Variants in SLC39A9 observed in about 807,000 individuals in gnomAD.
The protein encoded by SLC39A9 is zinc transporter ZIP9.
A neutral mutation model predicts 28.4 loss-of-function variants in SLC39A9; 14 were observed. The observed-to-expected ratio is 0.49, with a 90% CI of 0.33 to 0.77. The LOEUF (loss-of-function observed/expected upper bound fraction) is 0.77. Ranked by LOEUF, SLC39A9 falls within the 30% of genes least tolerant of loss-of-function variation. SLC39A9 has a pLI of 0.02. For synonymous variants in SLC39A9, 119 were observed against 149.6 expected, an observed-to-expected ratio of 0.80 and a Z score of 1.49; for missense variants, 283 against 381.1, an observed-to-expected ratio of 0.74 and a Z score of 2.14.
intron 1 of SLC39A9, among the ~76,000 whole-genome samples, chr14:69,412,245 C>T (rs983098050): frequency 9.9e-5 from 15 of 151,366 alleles, no homozygotes; most frequent in Non-Finnish European, 1.5e-4. Context: ...AAAAATTAGC[C>T]GGGCATGGTG....
chr14:69,429,863 A>T (rs1884402424), intron 2 of SLC39A9, among the ~76,000 whole-genome samples: 1 of 152,148 alleles, frequency 6.6e-6, no homozygotes, highest in South Asian at 2.1e-4. Flanking sequence ...CCTTGTCAAC[A>T]CTTAGTGTTG....
At chr14:69,433,574 A>G (rs1277980916) in intron 2 of SLC39A9, among the ~76,000 whole-genome samples, 1 of 152,162 alleles carries the variant, frequency 6.6e-6, no homozygotes, top group African/African-American at 2.4e-5. Flanking sequence ...GGCATTTTCT[A>G]TGATGGAAGG....
chr14:69,414,508 A>T (rs1314761985), intron 1 of SLC39A9, among the ~76,000 whole-genome samples: 1 of 152,234 alleles, frequency 6.6e-6, no homozygotes, highest in Admixed American at 6.5e-5. Context: ...TTAGTATTCG[A>T]ATTAGATCTC....
chr14:69,406,805 G>A (rs138084821), intron 1 of SLC39A9, among the ~76,000 whole-genome samples: 3,160 of 146,680 alleles, frequency 0.022, 52 homozygotes, highest in Middle Eastern at 0.065. Context: ...TTAACTTATT[G>A]AAATAAAATG....
chr14:69,438,247 C>T (rs76863299), intron 2 of SLC39A9, among the ~76,000 whole-genome samples: 8,851 of 152,194 alleles, frequency 0.058, 859 homozygotes, highest in African/African-American at 0.2. Context: ...TCTTGAACAA[C>T]TGACCTTAGG....
At chr14:69,424,245 G>A in intron 2 of SLC39A9, 43 bp downstream of exon 2, 3 of 1,448,950 alleles carry the variant, frequency 2.1e-6, no homozygotes, top group Non-Finnish European at 2.9e-6. Flanking sequence ...TTATTGACTT[G>A]GAGGGTTAGC....
chr14:69,426,921 C>A (rs1884224145), intron 2 of SLC39A9, among the ~76,000 whole-genome samples: 1 of 151,782 alleles, frequency 6.6e-6, no homozygotes, highest in African/African-American at 2.4e-5. Context: ...CACATATGTA[C>A]ACACATACAC....
chr14:69,410,444 A>T lies in SLC39A9; in HGVS notation c.96+10979A>T, dbSNP rs528830395. Among the ~76,000 whole-genome samples, 31 of 152,334 alleles carry T rather than the reference A, an allele frequency of 2.0e-4. 1 individual carries two copies. In the South Asian group the frequency reaches 3.9e-3, roughly 19 times the overall value. On this transcript the variant is annotated intron_variant, in intron 1 of 6. Coordinates refer to ENST00000336643, the MANE Select transcript of SLC39A9 (RefSeq NM_018375.5). ...GTGCACTAATATATCCTGCTCCTAC[A>T]CAATAATAATACTAGTAGCAGTAGC... is the stretch of plus-strand genomic sequence containing the variant.
chr14:69,406,134 AG>A (rs1882900906), intron 1 of SLC39A9, among the ~76,000 whole-genome samples: 1 of 152,178 alleles, frequency 6.6e-6, no homozygotes, highest in Non-Finnish European at 1.5e-5. Context: ...TCCCCAAATT[AG>A]GAACATCTTT....
chr14:69,422,346 C>T (rs1350764261), intron 1 of SLC39A9, among the ~76,000 whole-genome samples: 1 of 152,146 alleles, frequency 6.6e-6, no homozygotes, highest in Non-Finnish European at 1.5e-5. Context: ...CCTCACCCTC[C>T]CCATATCTGG....
At chr14:69,409,012 C>G (rs535039605) in intron 1 of SLC39A9, among the ~76,000 whole-genome samples, 2 of 152,222 alleles carry the variant, frequency 1.3e-5, no homozygotes, top group East Asian at 3.9e-4. Flanking sequence ...GAATTCTTGT[C>G]CTGCTTGTAG....
intron 1 of SLC39A9, among the ~76,000 whole-genome samples, chr14:69,419,346 T>C (rs1395916042): frequency 6.6e-6 from 1 of 152,250 alleles, no homozygotes; most frequent in Admixed American, 6.5e-5. Flanking sequence ...TCTAGTTTGA[T>C]TGCAGTGTGG....
Position 69,460,090 on chromosome 14 carries a change from AGT to A in SLC39A9, c.*1500_*1501del. The A allele has an allele frequency of 1.0e-6, 1 of 979,858 alleles. No individual in the cohort carries two copies. The highest frequency in any genetic ancestry group is 1.2e-6 in the Non-Finnish European group (1 of 824,444). The allele number at this position is 979,858 out of a possible 1,614,324, so 60.7% of individuals were successfully genotyped here. A position where few individuals can be genotyped will look rare whatever the true frequency, so the allele number is the denominator to read the frequency against. ...TTTGTAAACCCTGTCTTGTCAAATA[AGT>A]GTATAATATTGTATTATTAATTTAT... On this transcript the variant is annotated 3_prime_UTR_variant, in exon 7 of 7. Transcript: ENST00000336643.
chr14:69,410,776 G>T (rs1417324621), intron 1 of SLC39A9, among the ~76,000 whole-genome samples: 1 of 151,786 alleles, frequency 6.6e-6, no homozygotes, highest in African/African-American at 2.4e-5. Flanking sequence ...TCTCTTCAGT[G>T]CCTAAAACTT....
intron 1 of SLC39A9, among the ~76,000 whole-genome samples, chr14:69,419,763 G>A (rs1213968578): frequency 6.6e-6 from 1 of 151,650 alleles, no homozygotes; most frequent in Non-Finnish European, 1.5e-5. Flanking sequence ...TAATGGCCTT[G>A]TCTCTTTTGA....
chr14:69,452,167 G>A (rs975260859), intron 3 of SLC39A9, among the ~76,000 whole-genome samples: 5 of 152,178 alleles, frequency 3.3e-5, no homozygotes, highest in East Asian at 3.9e-4. Flanking sequence ...GGTTTTGTTC[G>A]ATGGTGTTAA....
chr14:69,411,126 C>A (rs1039926920), intron 1 of SLC39A9, among the ~76,000 whole-genome samples: 1 of 149,806 alleles, frequency 6.7e-6, no homozygotes, highest in Non-Finnish European at 1.5e-5. Context: ...GCAGGAGAAT[C>A]GCTTGAACCT....
intron 1 of SLC39A9, among the ~76,000 whole-genome samples, chr14:69,419,357 T>C (rs1883757139): frequency 6.6e-6 from 1 of 152,232 alleles, no homozygotes; most frequent in Admixed American, 6.5e-5. Flanking sequence ...TGCAGTGTGG[T>C]CTGAGAGACA....
chr14:69,435,623 G>A (rs771265535), intron 2 of SLC39A9, among the ~76,000 whole-genome samples: 4 of 151,944 alleles, frequency 2.6e-5, no homozygotes, highest in Admixed American at 1.3e-4. Context: ...TTCTTACCTC[G>A]GCCATTGTAG....
Sources: gnomAD v4.1 joint callset for allele counts (sites outside exome capture counted in the v4.1 genomes callset) on GRCh38, gnomAD v4.1.1 for gene constraint, MANE v1.5 for transcripts, NCBI Gene and HGNC (gene_info 2026-07-23, HGNC 2026-07-21) for gene names.